RYR2: variants seen among roughly 807,000 people sequenced by gnomAD.
RYR2 encodes ryanodine receptor 2.
RYR2 carries 227 observed loss-of-function variants against 601.1 expected under a neutral mutation model. The observed-to-expected ratio is 0.38, with a 90% CI of 0.34 to 0.42. RYR2 has a LOEUF of 0.42. RYR2 is among the 10% of genes least tolerant of loss of function. The pLI is 1.00. For missense variants in RYR2, 4,646 were observed against 6,156.5 expected (o/e 0.75, Z 8.21); for synonymous variants, 2,223 against 2,175.1 (o/e 1.02, Z -0.61).
intron 58 of RYR2, 50 bp downstream of exon 58, chr1:237,668,008 A>C: frequency 1.4e-6 from 2 of 1,397,740 alleles, no homozygotes; most frequent in Non-Finnish European, 2.0e-6. Context: ...GCTCAATTCC[A>C]TGAGTGTATG....
At position 237,566,685 on chromosome 1, in the gene RYR2, A is replaced by G. The variant is rs1672120071; in HGVS notation, c.3333A>G (p.Gly1111=). 6.2e-7 allele frequency: 1 copy of G among 1,613,928 alleles called. No individual in the cohort carries two copies. The highest frequency in any genetic ancestry group is 1.1e-5 in the South Asian group (1 of 91,084). Residue 1111 remains glycine (G), a synonymous_variant, in exon 28 of 105, where the codon GGA becomes GGG. Transcript: ENST00000366574. ...TTGAATTTGAGACGGTCACTGCTGGAGACATGAGGGTTGGTTGGAGTCGTC... is the reference window on the plus strand; with the variant it reads ...TTGAATTTGAGACGGTCACTGCTGGGGACATGAGGGTTGGTTGGAGTCGTC... ...WYFEFETVTA[G]DMRVGWSRPG...
At chr1:237,797,909 C>T (rs1659448016) in intron 96 of RYR2, 128 bp from the exon 97 acceptor site, 1 of 826,102 alleles carries the variant, frequency 1.2e-6, no homozygotes, top group Non-Finnish European at 1.9e-6. Context: ...GAGCCACACA[C>T]TAGATTTTAA....
At chr1:237,704,394 T>C in intron 66 of RYR2, among the ~76,000 whole-genome samples, 1 of 152,176 alleles carries the variant, frequency 6.6e-6, no homozygotes, top group East Asian at 1.9e-4. Context: ...TTTTATTCCC[T>C]GATTTAAAAT....
intron 62 of RYR2, among the ~76,000 whole-genome samples, chr1:237,684,138 G>T (rs1053703025): frequency 1.3e-4 from 19 of 151,458 alleles, no homozygotes; most frequent in Non-Finnish European, 1.3e-4. Flanking sequence ...GTTTCACCAT[G>T]TTGGCCAGGC....
chr1:237,583,181 A>G (rs1039170104), intron 29 of RYR2, among the ~76,000 whole-genome samples: 1 of 152,092 alleles, frequency 6.6e-6, no homozygotes, highest in Non-Finnish European at 1.5e-5. Flanking sequence ...ATGATTAGCA[A>G]TGGGAACATT....
chr1:237,736,708 T>C (rs946661198), intron 79 of RYR2, among the ~76,000 whole-genome samples: 2 of 152,060 alleles, frequency 1.3e-5, no homozygotes, highest in Admixed American at 1.3e-4. Context: ...ATCGTGGCAA[T>C]TGGCATGGCA....
At chr1:237,305,573 A>G (rs1275720531) in intron 2 of RYR2, among the ~76,000 whole-genome samples, 2 of 152,154 alleles carry the variant, frequency 1.3e-5, no homozygotes, top group Non-Finnish European at 2.9e-5. Flanking sequence ...CTGAAACTAC[A>G]GGCATGCGCC....
intron 12 of RYR2, among the ~76,000 whole-genome samples, chr1:237,434,451 G>A (rs1707145023): frequency 6.6e-6 from 1 of 152,154 alleles, no homozygotes; most frequent in African/African-American, 2.4e-5. Context: ...AACGAAGAAT[G>A]CTATTTGATA....
chr1:237,171,906 T>C (rs1014635348), intron 1 of RYR2, among the ~76,000 whole-genome samples: 3 of 152,238 alleles, frequency 2.0e-5, no homozygotes, highest in African/African-American at 7.2e-5. Context: ...CTTTCTGTTT[T>C]GCCCCCAAGA....
chr1:237,468,358 T>G (rs1165044895), intron 16 of RYR2, among the ~76,000 whole-genome samples: 1 of 152,140 alleles, frequency 6.6e-6, no homozygotes, highest in African/African-American at 2.4e-5. Context: ...TAAAAGTGAG[T>G]GTATAAACTA....
chr1:237,072,734 G>A (rs1048091637), intron 1 of RYR2, among the ~76,000 whole-genome samples: 1 of 152,098 alleles, frequency 6.6e-6, no homozygotes, highest in Non-Finnish European at 1.5e-5. Context: ...ATTACATGAA[G>A]TCAGGAGTTC....
intron 35 of RYR2, 75 bp downstream of exon 35, chr1:237,602,186 A>C: frequency 9.2e-7 from 1 of 1,081,330 alleles, no homozygotes; most frequent in South Asian, 1.5e-5. Flanking sequence ...TCTGAAATGA[A>C]TTCAGTATAT....
chr1:237,696,885 C>T (rs1021216127), intron 63 of RYR2, among the ~76,000 whole-genome samples: 1 of 152,146 alleles, frequency 6.6e-6, no homozygotes, highest in African/African-American at 2.4e-5. Context: ...GATTCCGTTC[C>T]TGCAGTAGGT....
chr1:237,299,127 C>T (rs377188184), intron 2 of RYR2, among the ~76,000 whole-genome samples: 13 of 145,462 alleles, frequency 8.9e-5, no homozygotes, highest in Middle Eastern at 3.6e-3. Context: ...TTCCTAGAGT[C>T]TTTTTTTTTT....
At chr1:237,405,396 T>C (rs1703761064) in intron 10 of RYR2, among the ~76,000 whole-genome samples, 1 of 152,192 alleles carries the variant, frequency 6.6e-6, no homozygotes, top group South Asian at 2.1e-4. Context: ...TGAAACAAAA[T>C]GTTTTCATTC....
rs577838904 is a variant in RYR2, at chr1:237,253,033, T to C, written c.49-17464T>C. Among the ~76,000 whole-genome samples the C allele has an allele frequency of 3.3e-5, 5 of 151,656 alleles. No homozygotes were observed. In the South Asian group the frequency reaches 8.3e-4, roughly 25 times the overall value. ...TACAAAAATGAGCCGGGCGTGGTGG[T>C]ACACGCCTGTAATCCCAGATACTCG... On this transcript the variant is annotated intron_variant, in intron 1 of 104. Transcript: ENST00000366574.
At chr1:237,293,200 A>C (rs1376904413) in intron 2 of RYR2, among the ~76,000 whole-genome samples, 1 of 151,808 alleles carries the variant, frequency 6.6e-6, no homozygotes, top group Non-Finnish European at 1.5e-5. Flanking sequence ...CCTCTACTTC[A>C]ATTTAATTTT....
chr1:237,199,188 C>A (rs527248186), intron 1 of RYR2, among the ~76,000 whole-genome samples: 4 of 152,272 alleles, frequency 2.6e-5, no homozygotes, highest in East Asian at 3.9e-4. Flanking sequence ...AGGGACAGAA[C>A]TAACAGGATA....
intron 17 of RYR2, 32 bp from the exon 18 acceptor site, chr1:237,491,773 GT>G (rs759155657): frequency 9.7e-6 from 10 of 1,034,666 alleles, no homozygotes; most frequent in Middle Eastern, 2.1e-4. Context: ...TTAATCATGT[GT>G]TTTTTTTCCT....
Sources: gnomAD v4.1 joint callset for allele counts (sites outside exome capture counted in the v4.1 genomes callset) on GRCh38, gnomAD v4.1.1 for gene constraint, MANE v1.5 for transcripts, NCBI Gene and HGNC (gene_info 2026-07-23, HGNC 2026-07-21) for gene names.